The following AKR1C2 variants were observed in gnomAD, a reference collection of about 807,000 sequenced individuals.
AKR1C2 encodes the protein aldo-keto reductase family 1 member C2, also known as 3-alpha-HSD3.
A neutral mutation model predicts 39.8 loss-of-function variants in AKR1C2; 27 were observed. The ratio of observed to expected loss-of-function variants is 0.68; its 90% CI spans 0.50 to 0.93. The LOEUF (loss-of-function observed/expected upper bound fraction) is 0.93, where lower values mean the gene tolerates loss of function less well. Among genes scored for constraint, AKR1C2 ranks in the 40% least tolerant of loss-of-function variants. AKR1C2 has a pLI of 0.00. For synonymous variants in AKR1C2, 114 were observed against 137.9 expected (o/e 0.83, Z 1.22); for missense variants, 263 against 365.1 (o/e 0.72, Z 2.28).
In AKR1C2 at chr10:4,989,689, G is replaced by A. The variant is rs183955475; in HGVS notation, c.*307C>T. On this transcript the variant is annotated 3_prime_UTR_variant, in exon 9 of 9. Transcript: ENST00000380753. ...ATGGTTGTTAACATCTTCCAACCCC[G>A]GCCCTAAACGTATAGGCAAATCACA... 33 of 400,732 alleles carry A rather than the reference G, an allele frequency of 8.2e-5. No individual in the cohort carries two copies. Among genetic ancestry groups the A allele is most frequent in the African/African-American group, 4.0e-4 (19 of 47,072 alleles). 24.8% of individuals were successfully genotyped at this position (400,732 alleles called of 1,614,324 possible). A position where few individuals can be genotyped will look rare whatever the true frequency, so the allele number is the denominator to read the frequency against.
intron 5 of AKR1C2, chr10:4,996,088 G>T (rs1837026847): frequency 2.9e-6 from 2 of 686,050 alleles, no homozygotes; most frequent in Non-Finnish European, 4.3e-6. Context: ...CCCTATCCTG[G>T]TTTCTCAATA....
chr10:5,001,808 T>C, intron 1 of AKR1C2, 127 bp from the exon 2 acceptor site: 1 of 1,270,266 alleles, frequency 7.9e-7, no homozygotes, highest in Middle Eastern at 1.9e-4. Context: ...TGTAGAATCA[T>C]AAGCCCATCC....
rs1836760102 is a variant in AKR1C2 at position 4,989,334 on chromosome 10, G to A, written c.*662C>T. 1 of 152,036 alleles carries A rather than the reference G, an allele frequency of 6.6e-6. No homozygotes were observed. 9.4% of individuals were successfully genotyped at this position (152,036 alleles called of 1,614,324 possible). On this transcript the variant is annotated 3_prime_UTR_variant, in exon 9 of 9. Transcript: ENST00000380753. ...AGATATAATGATCAAAAAAAAGGGT[G>A]TTGATATGTTTTTCCAAGCAGAGAT... is the stretch of plus-strand genomic sequence containing the variant.
intron 1 of AKR1C2, chr10:5,010,424 T>C (rs1554774801): frequency 6.6e-6 from 1 of 152,072 alleles, no homozygotes; most frequent in African/African-American, 2.4e-5. Context: ...ACTTCTCTCA[T>C]CTTTTCCTGA....
intron 1 of AKR1C2, among the ~76,000 whole-genome samples, chr10:5,017,106 G>A (rs1837658146): frequency 6.6e-6 from 1 of 152,170 alleles, no homozygotes; most frequent in African/African-American, 2.4e-5. Context: ...TGATAGAAGG[G>A]GTTACCTTGA....
chr10:4,998,843 T>A, intron 4 of AKR1C2, 96 bp from the exon 5 acceptor site: 1 of 1,546,622 alleles, frequency 6.5e-7, no homozygotes, highest in Non-Finnish European at 8.7e-7. Flanking sequence ...TGTCTAGACG[T>A]GACAATCAAA....
chr10:5,003,309 T>C (rs1318138556), intron 1 of AKR1C2, among the ~76,000 whole-genome samples: 1 of 146,384 alleles, frequency 6.8e-6, no homozygotes, highest in Non-Finnish European at 1.5e-5. Flanking sequence ...GGTCTAGTAT[T>C]ACAGTGTGGT....
chr10:4,996,324 T>C (rs1326569977), intron 5 of AKR1C2, among the ~76,000 whole-genome samples: 13 of 151,748 alleles, frequency 8.6e-5, no homozygotes, highest in Non-Finnish European at 1.6e-4. Context: ...ATATGCCATC[T>C]ATGATATATA....
intron 1 of AKR1C2, among the ~76,000 whole-genome samples, chr10:5,009,383 A>G (rs1258204022): frequency 1.3e-5 from 2 of 152,082 alleles, no homozygotes; most frequent in African/African-American, 4.8e-5. Context: ...TCACCCCTCA[A>G]GCTCCTGGGG....
chr10:5,012,729 GCCACA>G (rs1347499204), intron 1 of AKR1C2, among the ~76,000 whole-genome samples: 26 of 152,226 alleles, frequency 1.7e-4, no homozygotes, highest in African/African-American at 5.3e-4. Context: ...GGTGCTTCAG[GCCACA>G]ACATTTGTGA....
rs1341569008 is a variant in AKR1C2 at position 4,987,787 on chromosome 10, A to T, written c.*2209T>A. 8.2e-6 allele frequency: 1 copy of T among 121,544 alleles called. No individual in the cohort carries two copies. Among genetic ancestry groups the T allele is most frequent in the Non-Finnish European group, 1.7e-5 (1 of 58,464 alleles). The allele number at this position is 121,544 out of a possible 1,614,324, so 7.5% of individuals were successfully genotyped here. ...GTAGAATCCAAAATTTCAAAAATAC[A>T]TGTTTTTATATTTTACCATATGTTC... On this transcript the variant is annotated 3_prime_UTR_variant, in exon 9 of 9. Coordinates refer to ENST00000380753, the MANE Select transcript of AKR1C2 (RefSeq NM_001393392.1).
intron 7 of AKR1C2, among the ~76,000 whole-genome samples, chr10:4,993,745 C>G (rs1836920687): frequency 6.6e-6 from 1 of 150,924 alleles, no homozygotes; most frequent in Non-Finnish European, 1.5e-5. Flanking sequence ...AATTCATATC[C>G]AGAATAAATA....
Position 5,003,063 on chromosome 10 carries a change from A to G in AKR1C2, c.84+689T>C, listed in dbSNP as rs145499356. On this transcript the variant is annotated intron_variant, in intron 1 of 8. Coordinates refer to ENST00000380753, the MANE Select transcript of AKR1C2 (RefSeq NM_001393392.1). ...TCCAGTGTAGAAATAGCATTTAGCT[A>G]TTTCTAAATCTAGAAAATAAAATAT... Among the ~76,000 whole-genome samples, 254 of 152,006 alleles carry G rather than the reference A, an allele frequency of 1.7e-3. 1 individual carries two copies. Among genetic ancestry groups the G allele is most frequent in the African/African-American group, 5.8e-3 (239 of 41,540 alleles).
At chr10:4,996,489 A>G (rs1374165427) in intron 5 of AKR1C2, among the ~76,000 whole-genome samples, 3 of 147,958 alleles carry the variant, frequency 2.0e-5, no homozygotes, top group African/African-American at 2.5e-5. Context: ...TTTGTCTTTT[A>G]CACTTGCCCT....
At position 4,996,022 on chromosome 10, in the gene AKR1C2, C is replaced by A. The variant is rs1380896172; in HGVS notation, c.571-157G>T. 2.4e-5 allele frequency: 19 copies of A among 808,206 alleles called. No homozygotes were observed. In the East Asian group the frequency reaches 5.1e-4, roughly 22 times the overall value. The allele number at this position is 808,206 out of a possible 1,614,324, so 50.1% of individuals were successfully genotyped here. A position where few individuals can be genotyped will look rare whatever the true frequency, so the allele number is the denominator to read the frequency against. ...CTTTTTCATAAAAATAAATTTTATG[C>A]CCCTCTCTCCTAAGAAAATAGAAAT... On this transcript the variant is annotated intron_variant, in intron 5 of 8. Coordinates refer to ENST00000380753, the MANE Select transcript of AKR1C2 (RefSeq NM_001393392.1).
intron 1 of AKR1C2, among the ~76,000 whole-genome samples, chr10:5,002,418 C>T (rs1837301418): frequency 6.6e-6 from 1 of 152,162 alleles, no homozygotes. Context: ...TATGTTAGAT[C>T]TTTTCTACCC....
chr10:4,998,516 G>C, intron 5 of AKR1C2, 109 bp downstream of exon 5: 1 of 1,541,606 alleles, frequency 6.5e-7, no homozygotes, highest in Non-Finnish European at 8.7e-7. Context: ...TTGTTCTCTA[G>C]AATCTTCTCT....
At chr10:5,011,922 A>G (rs1489701894) in intron 1 of AKR1C2, among the ~76,000 whole-genome samples, 5 of 152,358 alleles carry the variant, frequency 3.3e-5, no homozygotes, top group Non-Finnish European at 7.3e-5. Flanking sequence ...TGTATAAGTT[A>G]TAACATGGAA....
At chr10:4,993,855 A>C (rs1438798149) in intron 7 of AKR1C2, among the ~76,000 whole-genome samples, 4 of 151,628 alleles carry the variant, frequency 2.6e-5, no homozygotes, top group African/African-American at 9.7e-5. Context: ...ATTAGAGAAC[A>C]TACACATATG....
Sources: gnomAD v4.1 joint callset for allele counts (sites outside exome capture counted in the v4.1 genomes callset) on GRCh38, gnomAD v4.1.1 for gene constraint, MANE v1.5 for transcripts, NCBI Gene and HGNC (gene_info 2026-07-23, HGNC 2026-07-21) for gene names.